SLC27A4: variants seen among roughly 807,000 people sequenced by gnomAD.
SLC27A4 encodes the protein solute carrier family 27 member 4.
Under a neutral mutation model 64.4 loss-of-function variants are expected in SLC27A4, and 33 were observed. The ratio of observed to expected loss-of-function variants is 0.51; its 90% confidence interval spans 0.39 to 0.68. The LOEUF is 0.68. SLC27A4 is among the 30% of genes least tolerant of loss of function. The probability of loss-of-function intolerance (pLI) is 0.00; values close to 1 mark genes in which losing one functional copy is unlikely to be tolerated. For missense variants in SLC27A4, 824 were observed against 883.5 expected (o/e 0.93, Z 0.85); for synonymous variants, 377 against 370.0 (o/e 1.02, Z -0.22).
intron 3 of SLC27A4, among the ~76,000 whole-genome samples, chr9:128,347,170 G>T (rs1163801939): frequency 6.6e-6 from 1 of 152,114 alleles, no homozygotes; most frequent in East Asian, 1.9e-4. Flanking sequence ...CATTTTATTT[G>T]CTGCCACATT....
At position 128,352,789 on chromosome 9, in the gene SLC27A4, T is replaced by C. The variant is rs374802724; in HGVS notation, c.987+42T>C. Reference sequence around the variant, plus strand: ...AGGGTGAGCTGTCCCTTTCCCCTAGTTACCCTCTTCCCAACTACACTCCGG... The same window carrying C: ...AGGGTGAGCTGTCCCTTTCCCCTAGCTACCCTCTTCCCAACTACACTCCGG... On this transcript the variant is annotated intron_variant, in intron 7 of 12. Transcript: ENST00000300456. The C allele has an allele frequency of 4.1e-6, 6 of 1,465,858 alleles. No individual in the cohort carries two copies. In the African/African-American group the frequency reaches 4.2e-5, roughly 10 times the overall value. The allele number at this position is 1,465,858 out of a possible 1,614,324, so 90.8% of individuals were successfully genotyped here.
At chr9:128,341,227 TG>T (rs546785755) in intron 1 of SLC27A4, among the ~76,000 whole-genome samples, 6 of 152,318 alleles carry the variant, frequency 3.9e-5, no homozygotes, top group Admixed American at 6.5e-5. Flanking sequence ...GGGCTTCTTG[TG>T]GTCCAGACCA....
Position 128,353,128 on chromosome 9 carries a change from G to C in SLC27A4, c.1091G>C (p.Arg364Pro). ...CGCATGGCACTAGGCAATGGCCTCC[G>C]GCAGTCCATCTGGACCAACTTTTCC... ...QVRMALGNGL[R>P]QSIWTNFSSR... Residue 364 changes from arginine (R) to proline (P), a missense_variant, in exon 8 of 13, where the codon CGG becomes CCG. Physicochemically the swap from Arg to Pro is moderately radical, Grantham distance 103. Transcript: ENST00000300456. This position sits in a 1 kb window ranked among gnomAD's most constrained non-coding sequence, Gnocchi z 4.9. 1 of 1,614,192 alleles carries C rather than the reference G, an allele frequency of 6.2e-7. No homozygotes were observed.
chr9:128,350,113 G>C (rs922368392), intron 4 of SLC27A4, among the ~76,000 whole-genome samples, 199 bp from the exon 5 acceptor site: 6 of 152,232 alleles, frequency 3.9e-5, no homozygotes, highest in African/African-American at 1.4e-4. Context: ...CTAGCACAGA[G>C]CAAGGGCCCA....
chr9:128,345,586 C>A lies in SLC27A4; in HGVS notation c.556+37C>A. The A allele has an allele frequency of 6.4e-7, 1 of 1,569,472 alleles. No individual in the cohort carries two copies. Among genetic ancestry groups the A allele is most frequent in the Non-Finnish European group, 8.6e-7 (1 of 1,164,294 alleles). ...GGGGGCGGGGGACAAGCAGGAACCC[C>A]ATGGGATCTTACACAGACCACAGCT... On this transcript the variant is annotated intron_variant, in intron 3 of 12. Transcript: ENST00000300456. This position sits in a 1 kb window ranked among gnomAD's most constrained non-coding sequence, Gnocchi z 4.1.
rs748026873 is a variant in SLC27A4 at position 128,353,394 on chromosome 9, C to T, written c.1198-21C>T. 1 of 1,614,200 alleles carries T rather than the reference C, an allele frequency of 6.2e-7. No individual in the cohort carries two copies. The highest frequency in any genetic ancestry group is 8.5e-7 in the Non-Finnish European group (1 of 1,180,040). On this transcript the variant is annotated intron_variant, in intron 8 of 12. Coordinates refer to ENST00000300456, the MANE Select transcript of SLC27A4 (RefSeq NM_005094.4). The surrounding 1 kb of genome is among the most constrained non-coding windows in gnomAD (Gnocchi z 4.9). ...TGGGCCCATGGTGAGAGAGCCCAGG[C>T]CCAAGTCTTGGCCTTCGCAGGTGGG...
At chr9:128,359,937 C>T (rs1451156758) in intron 12 of SLC27A4, among the ~76,000 whole-genome samples, 1 of 152,172 alleles carries the variant, frequency 6.6e-6, no homozygotes, top group Non-Finnish European at 1.5e-5. Context: ...CGGTTGAGCA[C>T]CTGCCTTATG....
rs185413009 is a variant in SLC27A4 at position 128,344,304 on chromosome 9, C to T, written c.162-851C>T. On this transcript the variant is annotated intron_variant, in intron 2 of 12. Transcript: ENST00000300456. ...AGGCCGAAGTGGGTGGATCACTTGA[C>T]CTCAGGAGTTTGAGACTAACCTGGG... 3.1e-3 allele frequency among the ~76,000 whole-genome samples: 479 copies of T among 152,114 alleles called. 1 individual carries two copies. The highest frequency in any genetic ancestry group is 5.0e-3 in the Non-Finnish European group (343 of 68,006).
chr9:128,346,424 C>T (rs992644391), intron 3 of SLC27A4, among the ~76,000 whole-genome samples: 21 of 151,406 alleles, frequency 1.4e-4, no homozygotes, highest in African/African-American at 4.8e-4. Flanking sequence ...TTAGTAGAGA[C>T]GAGGTTTCAC....
Position 128,353,022 on chromosome 9 carries a change from C to G in SLC27A4, c.988-3C>G, listed in dbSNP as rs1295857217. On this transcript the variant is annotated splice_polypyrimidine_tract_variant and splice_region_variant and intron_variant, in intron 7 of 12. Transcript: ENST00000300456. The surrounding 1 kb of genome is among the most constrained non-coding windows in gnomAD (Gnocchi z 4.9). ...CCTCGAATCACACCAAGTTCACCCC[C>G]AGATTGTGCAGTACATTGGTGAACT... The G allele has an allele frequency of 6.2e-7, 1 of 1,612,192 alleles. No homozygotes were observed. Among genetic ancestry groups the G allele is most frequent in the South Asian group, 1.1e-5 (1 of 90,782 alleles).
At chr9:128,348,504 G>A (rs1261500334) in intron 3 of SLC27A4, 41 bp from the exon 4 acceptor site, 2 of 1,610,612 alleles carry the variant, frequency 1.2e-6, no homozygotes, top group South Asian at 1.1e-5. Flanking sequence ...GGGAACATGG[G>A]GTTTTCTGGC....
chr9:128,352,606 C>G, intron 6 of SLC27A4, 32 bp from the exon 7 acceptor site: 2 of 1,547,016 alleles, frequency 1.3e-6, no homozygotes, highest in Non-Finnish European at 1.8e-6. Context: ...CTTCATCTCG[C>G]TGACCCTCAG....
In SLC27A4 at chr9:128,353,687, C is replaced by T. The variant is rs983285180; in HGVS notation, c.1324+146C>T. Reference sequence around the variant, plus strand: ...CAAGTTACTCATTTATTTGTGTATCCATCCATTCATTCATTCATTCGCCAT... The same window carrying T: ...CAAGTTACTCATTTATTTGTGTATCTATCCATTCATTCATTCATTCGCCAT... On this transcript the variant is annotated intron_variant, in intron 9 of 12. Transcript: ENST00000300456. The surrounding 1 kb of genome is among the most constrained non-coding windows in gnomAD (Gnocchi z 4.9). 3 of 750,314 alleles carry T rather than the reference C, an allele frequency of 4.0e-6. No homozygotes were observed. Among genetic ancestry groups the T allele is most frequent in the Non-Finnish European group, 6.4e-6 (3 of 465,984 alleles). The allele number at this position is 750,314 out of a possible 1,614,324, so 46.5% of individuals were successfully genotyped here. A position where few individuals can be genotyped will look rare whatever the true frequency, so the allele number is the denominator to read the frequency against.
At position 128,340,838 on chromosome 9, in the gene SLC27A4, G is replaced by A. The variant is rs1365158693; in HGVS notation, c.-7G>A. 2 of 685,084 alleles carry A rather than the reference G, an allele frequency of 2.9e-6. No individual in the cohort carries two copies. The highest frequency in any genetic ancestry group is 2.1e-5 in the Admixed American group (1 of 48,198). The allele number at this position is 685,084 out of a possible 1,614,324, so 42.4% of individuals were successfully genotyped here. A position where few individuals can be genotyped will look rare whatever the true frequency, so the allele number is the denominator to read the frequency against. On this transcript the variant is annotated splice_region_variant and 5_prime_UTR_variant, in exon 1 of 13. Transcript: ENST00000300456. ...GCGCCGCGCGGCGGAGCCGACGCCG[G>A]GTGAGCATAGACCGGGCTGGTGGGT...
chr9:128,351,172 G>A (rs1475695369), intron 6 of SLC27A4, among the ~76,000 whole-genome samples: 3 of 152,092 alleles, frequency 2.0e-5, no homozygotes, highest in East Asian at 1.9e-4. Context: ...GCTGAGGCAC[G>A]AGAATTGCTT....
chr9:128,342,838 C>G, intron 1 of SLC27A4: 1 of 529,392 alleles, frequency 1.9e-6, no homozygotes, highest in Non-Finnish European at 3.5e-6. Flanking sequence ...GTGAAAAGGT[C>G]TTGCCCAAGG....
rs1457571927 is a variant in SLC27A4, at chr9:128,345,575, A to C, written c.556+26A>C. 6.3e-7 allele frequency: 1 copy of C among 1,584,552 alleles called. No individual in the cohort carries two copies. The highest frequency in any genetic ancestry group is 2.3e-5 in the East Asian group (1 of 44,384). On this transcript the variant is annotated intron_variant, in intron 3 of 12. Transcript: ENST00000300456. The surrounding 1 kb of genome is among the most constrained non-coding windows in gnomAD (Gnocchi z 4.1). Reference sequence around the variant, plus strand: ...GTGAGCCCCAAGGGGGCGGGGGACAAGCAGGAACCCCATGGGATCTTACAC... The same window carrying C: ...GTGAGCCCCAAGGGGGCGGGGGACACGCAGGAACCCCATGGGATCTTACAC...
chr9:128,355,688 C>T lies in SLC27A4; in HGVS notation c.1666C>T (p.Pro556Ser). 1.2e-6 allele frequency: 2 copies of T among 1,612,778 alleles called. No individual in the cohort carries two copies. The highest frequency in any genetic ancestry group is 1.7e-6 in the Non-Finnish European group (2 of 1,180,032). Reference protein sequence around the residue: ...GRAGMAAVASPTGNCDLERFA... With the variant: ...GRAGMAAVASSTGNCDLERFA... ...GGCCGGAATGGCTGCTGTGGCCAGC[C>T]CCACTGGCAACTGTGACCTGGAGCG... Residue 556 changes from proline (P) to serine (S), a missense_variant, in exon 12 of 13, where the codon CCC (proline) becomes TCC (serine). Transcript: ENST00000300456.
chr9:128,342,780 C>T (rs1285855309), intron 1 of SLC27A4: 5 of 402,760 alleles, frequency 1.2e-5, no homozygotes, highest in Non-Finnish European at 2.3e-5. Flanking sequence ...AAAAAGAACA[C>T]GTCTCACTAC....
Sources: gnomAD v4.1 joint callset for allele counts (sites outside exome capture counted in the v4.1 genomes callset) on GRCh38, gnomAD v4.1.1 for gene constraint, Gnocchi (gnomAD v3.1) non-coding constraint, MANE v1.5 for transcripts, NCBI Gene and HGNC (gene_info 2026-07-23, HGNC 2026-07-21) for gene names.